The following AFAP1L2 variants were observed in gnomAD, a reference collection of about 807,000 sequenced individuals.
AFAP1L2 encodes actin filament associated protein 1 like 2, also known as actin filament-associated protein 1-like 2.
A neutral mutation model predicts 99.3 loss-of-function variants in AFAP1L2; 46 were observed. That is an observed-to-expected ratio of 0.46 (90% CI 0.37 to 0.59). The LOEUF is 0.59. AFAP1L2 is among the 20% of genes least tolerant of loss of function. AFAP1L2 has a pLI of 0.00. For synonymous variants in AFAP1L2, 397 were observed against 419.1 expected (o/e 0.95, Z 0.64); for missense variants, 959 against 1,034.9 (o/e 0.93, Z 1.01).
rs1404671372 is a variant in AFAP1L2 at position 114,294,943 on chromosome 10, A to G, written c.*1099T>C. On this transcript the variant is annotated 3_prime_UTR_variant, in exon 19 of 19. Coordinates refer to ENST00000304129, the MANE Select transcript of AFAP1L2 (RefSeq NM_001001936.3). ...AAAAAGACATTTAGTTCTCAGGAAC[A>G]AGTGTTAGAGAACTGATACACAACC... 7.1e-6 allele frequency: 7 copies of G among 984,360 alleles called. No individual in the cohort carries two copies. The highest frequency in any genetic ancestry group is 1.8e-5 in the African/African-American group (1 of 57,088). The allele number at this position is 984,360 out of a possible 1,614,324, so 61.0% of individuals were successfully genotyped here. A position where few individuals can be genotyped will look rare whatever the true frequency, so the allele number is the denominator to read the frequency against.
rs2041849302 is a variant in AFAP1L2, at chr10:114,304,828, G to C, written c.1175C>G (p.Ala392Gly). 1 of 1,613,470 alleles carries C rather than the reference G, an allele frequency of 6.2e-7. No individual in the cohort carries two copies. Among genetic ancestry groups the C allele is most frequent in the African/African-American group, 1.3e-5 (1 of 75,032 alleles). ...GCCCACCAGGCTGAGGGGTTGCTGG[G>C]CCACCTTGCTCCGGTTCCGGTCCTG... ...FYQDRNRSKVAQQPLSLVGCE... is the reference protein window; with the variant it reads ...FYQDRNRSKVGQQPLSLVGCE... Residue 392 changes from alanine to glycine, a missense_variant, in exon 11 of 19, where the codon GCC (alanine) becomes GGC (glycine). Ala to Gly is a moderately conservative substitution (Grantham distance 60). This residue lies in a region of AFAP1L2 where 576 missense variants were observed against 562.1 expected (regional missense o/e 1.02). Transcript: ENST00000304129.
the AFAP1L2 span, chr10:114,286,059 T>A: frequency 6.2e-7 from 1 of 1,614,154 alleles, no homozygotes; most frequent in Non-Finnish European, 8.5e-7. Context: ...GTGCGGGCCG[T>A]GCTGAGCGAG....
chr10:114,364,324 G>A (rs2052889094), intron 1 of AFAP1L2, among the ~76,000 whole-genome samples: 1 of 152,200 alleles, frequency 6.6e-6, no homozygotes, highest in Non-Finnish European at 1.5e-5. Flanking sequence ...AACAACAGAT[G>A]TTTATTCTCT....
intron 1 of AFAP1L2, among the ~76,000 whole-genome samples, chr10:114,365,603 C>T (rs949522936): frequency 1.3e-5 from 2 of 152,114 alleles, no homozygotes; most frequent in African/African-American, 2.4e-5. Flanking sequence ...CCCCATGAGG[C>T]TCATGGCCCC....
At position 114,308,466 on chromosome 10, in the gene AFAP1L2, C is replaced by G. The variant is rs1342964478; in HGVS notation, c.934G>C (p.Asp312His). ...GTTTCTGGGACCTCAGGGTGGCCAT[C>G]CACGGAGCTCCCATACTCTGAAGCC... is the stretch of plus-strand genomic sequence containing the variant. ...LSASEYGSSV[D>H]GHPEVPETKD... is the part of the protein sequence containing the mutation. The change falls in exon 9 of 19, where the codon GAT (aspartate) becomes CAT (histidine). Residue 312 changes from aspartate to histidine, a missense_variant. Transcript: ENST00000304129. The G allele has an allele frequency of 3.1e-6, 5 of 1,614,202 alleles. No homozygotes were observed. The highest frequency in any genetic ancestry group is 4.5e-5 in the East Asian group (2 of 44,882).
At chr10:114,289,774 A>G in the AFAP1L2 span, 1 of 471,540 alleles carries the variant, frequency 2.1e-6, no homozygotes, top group Non-Finnish European at 3.9e-6. Flanking sequence ...TAGAATATCC[A>G]CAAGCTTCCT....
chr10:114,286,398 A>G, the AFAP1L2 span: 2 of 1,613,926 alleles, frequency 1.2e-6, no homozygotes, highest in Non-Finnish European at 1.7e-6. Flanking sequence ...GTGCGGGCAG[A>G]GCTGGAGGAG....
At chr10:114,379,391 G>A (rs2055291386) in intron 1 of AFAP1L2, among the ~76,000 whole-genome samples, 1 of 151,982 alleles carries the variant, frequency 6.6e-6, no homozygotes, top group Non-Finnish European at 1.5e-5. Flanking sequence ...AACAAAGTCA[G>A]CAAAATTGGG....
downstream of AFAP1L2, chr10:114,290,489 G>A (rs534690010): frequency 2.1e-5 from 28 of 1,358,560 alleles, no homozygotes; most frequent in South Asian, 4.2e-5. Context: ...TTATTCAGTC[G>A]TTTACCCACG....
chr10:114,308,030 G>A (rs2042683681), intron 9 of AFAP1L2, 121 bp from the exon 10 acceptor site: 3 of 795,702 alleles, frequency 3.8e-6, no homozygotes, highest in South Asian at 1.5e-5. Flanking sequence ...CGCTACATAT[G>A]CGCGCACATA....
chr10:114,386,359 C>T (rs2137697440), intron 1 of AFAP1L2, among the ~76,000 whole-genome samples: 1 of 152,108 alleles, frequency 6.6e-6, no homozygotes, highest in Non-Finnish European at 1.5e-5. Flanking sequence ...TATGATGGCA[C>T]CACTGCACTC....
chr10:114,301,355 G>T lies in AFAP1L2; in HGVS notation c.1541C>A (p.Ala514Glu), dbSNP rs146606483. Residue 514 changes from alanine (A) to glutamate (E), a missense_variant and splice_region_variant, in exon 13 of 19, where the codon GCG becomes GAG. Transcript: ENST00000304129. ...DDVDLSELTAAVEPTEEATPV... is the reference protein window; with the variant it reads ...DDVDLSELTAEVEPTEEATPV... ...GCCACTGCCTGGCCGGGTCCTTACC[G>T]CAGCTGTGAGCTCTGACAGGTCCAC... is the stretch of plus-strand genomic sequence containing the variant. The T allele has an allele frequency of 6.2e-7, 1 of 1,613,202 alleles. No homozygotes were observed. Among genetic ancestry groups the T allele is most frequent in the Non-Finnish European group, 8.5e-7 (1 of 1,179,252 alleles).
intron 1 of AFAP1L2, among the ~76,000 whole-genome samples, chr10:114,389,380 G>T (rs531926847): frequency 2.0e-5 from 3 of 152,336 alleles, no homozygotes; most frequent in South Asian, 2.1e-4. Context: ...GAGAGGGAGT[G>T]TATCATGCTT....
In AFAP1L2 at chr10:114,327,843, T is replaced by C. The variant is rs527831498; in HGVS notation, c.315+3960A>G. Among the ~76,000 whole-genome samples the C allele has an allele frequency of 1.3e-3, 196 of 152,304 alleles. 2 individuals are homozygous for C. Among genetic ancestry groups the C allele is most frequent in the African/African-American group, 4.4e-3 (183 of 41,576 alleles). ...GGGGTGGCTCAGAGGACCCGAGGCA[T>C]CCTCACAGCTCTAACCATCCTGCCC... On this transcript the variant is annotated intron_variant, in intron 4 of 18. Coordinates refer to ENST00000304129, the MANE Select transcript of AFAP1L2 (RefSeq NM_001001936.3).
intron 1 of AFAP1L2, among the ~76,000 whole-genome samples, chr10:114,380,069 C>G (rs1479152223): frequency 6.6e-6 from 1 of 152,194 alleles, no homozygotes; most frequent in Admixed American, 6.5e-5. Context: ...CAAAGTCAAA[C>G]CCTCACTTCC....
chr10:114,297,035 C>G lies in AFAP1L2; in HGVS notation c.2373G>C (p.Lys791Asn). 2 of 1,614,104 alleles carry G rather than the reference C, an allele frequency of 1.2e-6. No individual in the cohort carries two copies. The highest frequency in any genetic ancestry group is 1.3e-5 in the African/African-American group (1 of 75,008). ...TGACCACGACCGAGAGAGGCCTGTT[C>G]TTGAGTGTGGTTGCAGAGTTGACTG... ...CTPVNSATTL[K>N]NRPLSVVVTG... Residue 791 changes from lysine to asparagine, a missense_variant, in exon 18 of 19, where the codon AAG becomes AAC. Physicochemically the swap from Lys to Asn is moderately conservative, Grantham distance 94 (BLOSUM62 0). This residue lies in a region of AFAP1L2 where 576 missense variants were observed against 562.1 expected (regional missense o/e 1.02). Transcript: ENST00000304129.
chr10:114,284,626 A>C, the AFAP1L2 span, among the ~76,000 whole-genome samples: 1 of 152,206 alleles, frequency 6.6e-6, no homozygotes, highest in African/African-American at 2.4e-5. Context: ...CCAGTTCATC[A>C]CACAGGGCCT....
intron 1 of AFAP1L2, among the ~76,000 whole-genome samples, chr10:114,361,070 AGG>A (rs1265611317): frequency 1.3e-5 from 2 of 152,182 alleles, no homozygotes; most frequent in Non-Finnish European, 2.9e-5. Flanking sequence ...ATCGGCAGAC[AGG>A]AGAAGAGAAC....
chr10:114,320,360 T>C (rs2044988779), intron 5 of AFAP1L2, among the ~76,000 whole-genome samples: 1 of 152,220 alleles, frequency 6.6e-6, no homozygotes, highest in South Asian at 2.1e-4. Context: ...AGCAAATCGC[T>C]ATGGCCGCCA....
Sources: allele counts gnomAD v4.1 joint callset (sites outside exome capture counted in the v4.1 genomes callset), GRCh38; gene constraint gnomAD v4.1.1; regional missense constraint gnomAD v4.1.1; transcripts MANE v1.5; gene names NCBI Gene and HGNC (gene_info 2026-07-23, HGNC 2026-07-21).